The following COL27A1 variants were observed in gnomAD, a reference collection of about 807,000 sequenced individuals.
COL27A1 encodes the protein collagen alpha-1(XXVII) chain.
Under a neutral mutation model 251.3 loss-of-function variants are expected in COL27A1, and 106 were observed. The ratio of observed to expected loss-of-function variants is 0.42; its 90% CI spans 0.36 to 0.50. The LOEUF (loss-of-function observed/expected upper bound fraction) is 0.50, where lower values mean the gene tolerates loss of function less well. COL27A1 is among the 20% of genes least tolerant of loss of function. COL27A1 has a pLI of 0.00. For synonymous variants in COL27A1, 1,000 were observed against 986.3 expected (o/e 1.01, Z -0.26); for missense variants, 2,325 against 2,522.8 (o/e 0.92, Z 1.68).
chr9:114,255,011 G>T (rs926065433), intron 27 of COL27A1, among the ~76,000 whole-genome samples: 3 of 152,194 alleles, frequency 2.0e-5, no homozygotes, highest in African/African-American at 7.2e-5. Context: ...AGAGGAGAAG[G>T]CATCAGCACC....
intron 16 of COL27A1, among the ~76,000 whole-genome samples, chr9:114,234,930 T>A (rs1318487001): frequency 2.1e-5 from 3 of 142,554 alleles, no homozygotes; most frequent in Non-Finnish European, 3.0e-5. Flanking sequence ...AAAAAAAAAA[T>A]TAGCTGGGCG....
rs754394983 is a variant in COL27A1 at position 114,288,955 on chromosome 9, G to A, written c.4140G>A (p.Gln1380=). Residue 1380 remains glutamine (Q), a synonymous_variant, in exon 44 of 61, where the codon CAG becomes CAA. Coordinates refer to ENST00000356083, the MANE Select transcript of COL27A1 (RefSeq NM_032888.4). ...GVQGLRGKPG[Q]QGQPGHPGPR... ...AAGGCCTCCGTGGAAAGCCAGGCCAGCAGGGCCAACCCGTGAGTGGTGCTT... is the reference window on the plus strand; with the variant it reads ...AAGGCCTCCGTGGAAAGCCAGGCCAACAGGGCCAACCCGTGAGTGGTGCTT... 3 of 1,613,574 alleles carry A rather than the reference G, an allele frequency of 1.9e-6. No individual in the cohort carries two copies. In the Admixed American group the frequency reaches 5.0e-5, roughly 27 times the overall value.
chr9:114,202,744 C>T (rs138581177), intron 7 of COL27A1, among the ~76,000 whole-genome samples: 2 of 152,070 alleles, frequency 1.3e-5, no homozygotes, highest in African/African-American at 4.8e-5. Context: ...CTTGCTGTTC[C>T]CTCTGCCTGC....
chr9:114,301,409 TC>T, intron 53 of COL27A1, 35 bp from the exon 54 acceptor site: 6 of 1,600,636 alleles, frequency 3.7e-6, no homozygotes, highest in Non-Finnish European at 4.3e-6. Flanking sequence ...TCAGCCAGGT[TC>T]CCTAACTCTC....
At chr9:114,274,461 C>T (rs1835354707) in intron 36 of COL27A1, among the ~76,000 whole-genome samples, 1 of 152,188 alleles carries the variant, frequency 6.6e-6, no homozygotes, top group African/African-American at 2.4e-5. Context: ...TAAAATGGGA[C>T]TAAAAGCGGA....
intron 50 of COL27A1, 134 bp from the exon 51 acceptor site, chr9:114,300,491 T>C: frequency 1.6e-6 from 1 of 633,862 alleles, no homozygotes; most frequent in South Asian, 2.2e-5. Context: ...TTCTTACTCC[T>C]TCTGGGGCCT....
chr9:114,201,130 C>G (rs570556160), intron 7 of COL27A1, among the ~76,000 whole-genome samples: 1 of 152,146 alleles, frequency 6.6e-6, no homozygotes, highest in Non-Finnish European at 1.5e-5. Context: ...AAATATAGAC[C>G]GAGTTCTATT....
chr9:114,178,900 C>T (rs1827685074), intron 4 of COL27A1, among the ~76,000 whole-genome samples: 1 of 152,128 alleles, frequency 6.6e-6, no homozygotes, highest in African/African-American at 2.4e-5. Flanking sequence ...TTTATGCTGC[C>T]TTATTTGACC....
At position 114,289,334 on chromosome 9, in the gene COL27A1, A is replaced by G. The variant is rs1249742; in HGVS notation, c.4206+39A>G. ...GGGTTCAGCAGGGAGACTGAGTCCC[A>G]GGAAGGGGGAAGCCTGACCCACAGT... On this transcript the variant is annotated intron_variant, in intron 45 of 60. Coordinates refer to ENST00000356083, the MANE Select transcript of COL27A1 (RefSeq NM_032888.4). 0.16 allele frequency: 253,074 copies of G among 1,534,938 alleles called. 23,308 individuals carry two copies. The highest frequency in any genetic ancestry group is 0.36 in the African/African-American group (25,957 of 72,480).
chr9:114,175,583 C>T (rs914071734), intron 3 of COL27A1, among the ~76,000 whole-genome samples: 9 of 152,252 alleles, frequency 5.9e-5, no homozygotes, highest in East Asian at 1.9e-4. Flanking sequence ...GTCAAGGAGT[C>T]CGCCTGTGGG....
chr9:114,158,810 T>C lies in COL27A1; in HGVS notation c.62+2798T>C, dbSNP rs1848300023. ...TGTTCCTGCTGGTGAAGGCTGGGGC[T>C]CGGGTCTCTGGCAAGTAGGAAGTCC... On this transcript the variant is annotated intron_variant, in intron 1 of 60. Coordinates refer to ENST00000356083, the MANE Select transcript of COL27A1 (RefSeq NM_032888.4). Among the ~76,000 whole-genome samples, 3 of 152,190 alleles carry C rather than the reference T, an allele frequency of 2.0e-5. No individual in the cohort carries two copies. In the South Asian group the frequency reaches 6.2e-4, roughly 32 times the overall value.
At chr9:114,157,834 A>G (rs916509484) in intron 1 of COL27A1, among the ~76,000 whole-genome samples, 2 of 152,062 alleles carry the variant, frequency 1.3e-5, no homozygotes, top group African/African-American at 4.8e-5. Context: ...TTTCTCTTCC[A>G]CAAAACCGGC....
intron 39 of COL27A1, 66 bp downstream of exon 39, chr9:114,282,630 G>A: frequency 9.5e-7 from 1 of 1,052,296 alleles, no homozygotes; most frequent in Non-Finnish European, 1.4e-6. Flanking sequence ...GGCAGGAAAG[G>A]AGACACCAGG....
At chr9:114,300,018 G>A in intron 49 of COL27A1, 52 bp from the exon 50 acceptor site, 1 of 1,593,494 alleles carries the variant, frequency 6.3e-7, no homozygotes, top group East Asian at 2.2e-5. Flanking sequence ...TGGCTGGCGG[G>A]ACACGCTGAC....
intron 2 of COL27A1, among the ~76,000 whole-genome samples, chr9:114,166,655 T>C (rs959809479): frequency 6.6e-6 from 1 of 152,166 alleles, no homozygotes; most frequent in African/African-American, 2.4e-5. Context: ...CAGCTTTTCC[T>C]TCCCTGCTGA....
At chr9:114,216,424 G>A (rs554340497) in intron 12 of COL27A1, among the ~76,000 whole-genome samples, 1 of 152,352 alleles carries the variant, frequency 6.6e-6, no homozygotes, top group South Asian at 2.1e-4. Context: ...AAGCAGATGG[G>A]GTTGAAGTGG....
intron 32 of COL27A1, 84 bp from the exon 33 acceptor site, chr9:114,266,461 GAGTCCCCAGTTCTGGGGGTC>G: frequency 1.1e-6 from 1 of 900,404 alleles, no homozygotes; most frequent in East Asian, 2.5e-5. Flanking sequence ...GTGTGCTTCA[GAGTCCCCAGTTCTGGGGGTC>G]AGCTCCCTCA....
rs1193627587 is a variant in COL27A1, at chr9:114,311,415, T to C, written c.*720T>C. 2.6e-5 allele frequency: 4 copies of C among 152,028 alleles called. No individual in the cohort carries two copies. The highest frequency in any genetic ancestry group is 4.1e-4 in the South Asian group (2 of 4,828). The allele number at this position is 152,028 out of a possible 1,614,324, so 9.4% of individuals were successfully genotyped here. A position where few individuals can be genotyped will look rare whatever the true frequency, so the allele number is the denominator to read the frequency against. On this transcript the variant is annotated 3_prime_UTR_variant, in exon 61 of 61. Transcript: ENST00000356083. ...TTTGCCACAGACTTTGAAGAAACTT[T>C]TGGATGTGGGGCATCATCCGCATCT... is the stretch of plus-strand genomic sequence containing the variant.
intron 3 of COL27A1, among the ~76,000 whole-genome samples, chr9:114,173,103 C>T (rs1175262791): frequency 1.3e-5 from 2 of 152,186 alleles, no homozygotes; most frequent in East Asian, 3.9e-4. Flanking sequence ...TCTGTGGGAG[C>T]CCCAGGAGGG....
Sources: gnomAD v4.1 joint callset for allele counts (sites outside exome capture counted in the v4.1 genomes callset) on GRCh38, gnomAD v4.1.1 for gene constraint, MANE v1.5 for transcripts, NCBI Gene and HGNC (gene_info 2026-07-23, HGNC 2026-07-21) for gene names.